Variants in SMYD3 observed in about 807,000 individuals in gnomAD.
The protein encoded by SMYD3 is SET and MYND domain containing 3, also known as histone-lysine N-methyltransferase SMYD3.
Under a neutral mutation model 57.7 loss-of-function variants are expected in SMYD3, and 36 were observed. The ratio of observed to expected loss-of-function variants is 0.62; its 90% CI spans 0.48 to 0.82. SMYD3 has a LOEUF of 0.82. SMYD3 is among the 40% of genes least tolerant of loss of function. SMYD3 has a pLI of 0.00. For missense variants in SMYD3, 515 were observed against 538.8 expected (o/e 0.96, Z 0.44); for synonymous variants, 211 against 195.0 (o/e 1.08, Z -0.68).
At chr1:245,908,830 G>C (rs1047830874) in intron 8 of SMYD3, among the ~76,000 whole-genome samples, 18 of 152,106 alleles carry the variant, frequency 1.2e-4, no homozygotes, top group African/African-American at 4.3e-4. Flanking sequence ...TAAGATGGAA[G>C]TTTATAGCAA....
rs1284741790 is a variant in SMYD3, at chr1:246,248,632, TTTCC to T, written c.531+78565_531+78568del. Among the ~76,000 whole-genome samples, 181 of 97,066 alleles carry T rather than the reference TTTCC, an allele frequency of 1.9e-3. 10 individuals are homozygous for T. The highest frequency in any genetic ancestry group is 8.1e-3 in the African/African-American group (173 of 21,470). 63.7% of individuals were successfully genotyped at this position (97,066 alleles called of 152,430 possible). A position where few individuals can be genotyped will look rare whatever the true frequency, so the allele number is the denominator to read the frequency against. ...GCCAGTTATGCAAAAGCTCTCTGAC[TTTCC>T]TTTTTTTTTTTTTTTTTTTTTTTGA... is the stretch of plus-strand genomic sequence containing the variant. On this transcript the variant is annotated intron_variant, in intron 5 of 11. Transcript: ENST00000490107.
intron 5 of SMYD3, among the ~76,000 whole-genome samples, chr1:246,169,903 A>G (rs2062298507): frequency 6.8e-6 from 1 of 147,048 alleles, no homozygotes; most frequent in Non-Finnish European, 1.5e-5. Flanking sequence ...GACTCTGCCA[A>G]AAAAAAAAAA....
chr1:245,875,528 T>C (rs2052439141), intron 8 of SMYD3, among the ~76,000 whole-genome samples: 1 of 152,128 alleles, frequency 6.6e-6, no homozygotes, highest in African/African-American at 2.4e-5. Context: ...CTCAAATCTG[T>C]CCCCAGCAGT....
At position 246,460,968 on chromosome 1, in the gene SMYD3, A is replaced by C. The variant is rs561198392; in HGVS notation, c.164+46086T>G. Among the ~76,000 whole-genome samples the C allele has an allele frequency of 1.1e-4, 17 of 152,368 alleles. No homozygotes were observed. The South Asian group carries it at 1.4e-3, about 13-fold the overall frequency. ...AACCCCAATCATCATAAGAGTATCT[A>C]TCAGCTACAAGGCTACAAGCCATGA... On this transcript the variant is annotated intron_variant, in intron 1 of 11. Transcript: ENST00000490107.
rs745572286 is a variant in SMYD3, at chr1:246,126,081, C to T, written c.532-196144G>A. Among the ~76,000 whole-genome samples, 3 of 152,288 alleles carry T rather than the reference C, an allele frequency of 2.0e-5. No homozygotes were observed. The South Asian group carries it at 6.2e-4, about 32-fold the overall frequency. Reference sequence around the variant, plus strand: ...TGCTTCAAGCAGAATAATTCCAGAGCACTAAGAAGCATTACTTACACACAG... The same window carrying T: ...TGCTTCAAGCAGAATAATTCCAGAGTACTAAGAAGCATTACTTACACACAG... On this transcript the variant is annotated intron_variant, in intron 5 of 11. Transcript: ENST00000490107.
intron 11 of SMYD3, among the ~76,000 whole-genome samples, chr1:245,763,353 TG>T (rs370816225): frequency 1.3e-5 from 2 of 151,920 alleles, no homozygotes; most frequent in African/African-American, 4.8e-5. Context: ...CCTACTGCAA[TG>T]TGAAAAGGGC....
chr1:246,127,948 T>C (rs55999471), intron 5 of SMYD3, among the ~76,000 whole-genome samples: 31,029 of 151,728 alleles, frequency 0.2, 4,333 homozygotes, highest in East Asian at 0.44. Flanking sequence ...GAGGAGATTA[T>C]ATAGCTAAAA....
rs563612285 is a variant in SMYD3 at position 246,168,876 on chromosome 1, A to C, written c.531+158325T>G. Reference sequence around the variant, plus strand: ...AACAAATGATGCCTATACAGTGTCCATGTACAAAGGCCCCTGTGTTCCAGT... The same window carrying C: ...AACAAATGATGCCTATACAGTGTCCCTGTACAAAGGCCCCTGTGTTCCAGT... On this transcript the variant is annotated intron_variant, in intron 5 of 11. Coordinates refer to ENST00000490107, the MANE Select transcript of SMYD3 (RefSeq NM_001167740.2). Among the ~76,000 whole-genome samples the C allele has an allele frequency of 3.3e-5, 5 of 152,166 alleles. No homozygotes were observed. In the South Asian group the frequency reaches 1.0e-3, roughly 32 times the overall value.
chr1:246,240,224 G>T (rs921532751), intron 5 of SMYD3, among the ~76,000 whole-genome samples: 1 of 152,140 alleles, frequency 6.6e-6, no homozygotes, highest in Non-Finnish European at 1.5e-5. Context: ...GTGGTTTTAG[G>T]TCTAACATTT....
chr1:246,058,413 C>T (rs4654191), intron 5 of SMYD3, among the ~76,000 whole-genome samples: 152,041 of 152,338 alleles, frequency 1, 75,874 homozygotes, highest in Middle Eastern at 1. Flanking sequence ...CTTCAAAAAT[C>T]ATCTTTTTAA....
intron 5 of SMYD3, among the ~76,000 whole-genome samples, chr1:246,168,824 C>T (rs1465123978): frequency 6.6e-6 from 1 of 152,040 alleles, no homozygotes; most frequent in Non-Finnish European, 1.5e-5. Flanking sequence ...TATGCTTTTG[C>T]CGTCTTTAGA....
intron 1 of SMYD3, among the ~76,000 whole-genome samples, chr1:246,391,221 G>GA (rs58176373): frequency 0.14 from 15,949 of 110,900 alleles, 1,461 homozygotes; most frequent in African/African-American, 0.28. Context: ...CTCTATATCT[G>GA]AAAAAAAAAA....
chr1:246,335,580 A>G, intron 2 of SMYD3, 106 bp from the exon 3 acceptor site: 1 of 811,508 alleles, frequency 1.2e-6, no homozygotes, highest in Non-Finnish European at 2.0e-6. Flanking sequence ...AATAGTCCAA[A>G]TGTAACTGCA....
intron 1 of SMYD3, among the ~76,000 whole-genome samples, chr1:246,429,691 C>G (rs2067271537): frequency 6.6e-6 from 1 of 152,246 alleles, no homozygotes; most frequent in African/African-American, 2.4e-5. Context: ...CAATCAAACA[C>G]CATGTCAGAC....
At chr1:246,422,230 G>C (rs1315573796) in intron 1 of SMYD3, among the ~76,000 whole-genome samples, 2 of 152,040 alleles carry the variant, frequency 1.3e-5, no homozygotes, top group African/African-American at 4.8e-5. Flanking sequence ...GATTAAAATG[G>C]ATTTTTGCAC....
At chr1:246,437,654 C>T (rs751352560) in intron 1 of SMYD3, among the ~76,000 whole-genome samples, 5 of 152,144 alleles carry the variant, frequency 3.3e-5, no homozygotes, top group Non-Finnish European at 7.3e-5. Context: ...AAAGATAACG[C>T]TATGAAACAA....
intron 5 of SMYD3, among the ~76,000 whole-genome samples, chr1:246,017,226 C>T (rs1228720863): frequency 6.6e-6 from 1 of 152,006 alleles, no homozygotes; most frequent in Non-Finnish European, 1.5e-5. Context: ...AATAGTATAA[C>T]TTATTTTTTC....
At chr1:245,804,101 C>A (rs990321461) in intron 10 of SMYD3, among the ~76,000 whole-genome samples, 1 of 151,860 alleles carries the variant, frequency 6.6e-6, no homozygotes, top group Non-Finnish European at 1.5e-5. Context: ...TTAGTAGAGA[C>A]AGGGTTTCAA....
intron 5 of SMYD3, among the ~76,000 whole-genome samples, chr1:246,213,472 G>A (rs919989023): frequency 2.0e-5 from 3 of 152,126 alleles, no homozygotes; most frequent in African/African-American, 7.2e-5. Context: ...AAATGGATAG[G>A]AGAAAGGCAC....
Sources: gnomAD v4.1 joint callset for allele counts (sites outside exome capture counted in the v4.1 genomes callset) on GRCh38, gnomAD v4.1.1 for gene constraint, MANE v1.5 for transcripts, NCBI Gene and HGNC (gene_info 2026-07-23, HGNC 2026-07-21) for gene names.